Variants in ZFYVE26 observed in about 807,000 individuals in gnomAD.
ZFYVE26 encodes zinc finger FYVE-type containing 26.
ZFYVE26 carries 181 observed loss-of-function variants against 276.5 expected under a neutral mutation model. That is an observed-to-expected ratio of 0.65 (90% CI 0.58 to 0.74). The LOEUF is 0.74. Ranked by LOEUF, ZFYVE26 falls within the 30% of genes least tolerant of loss-of-function variation. ZFYVE26 has a pLI of 0.00. For synonymous variants in ZFYVE26, 1,129 were observed against 1,203.1 expected (o/e 0.94, Z 1.27); for missense variants, 2,821 against 3,097.9 (o/e 0.91, Z 2.12).
rs200245440 is a variant in ZFYVE26, at chr14:67,783,449, G to C, written c.3703C>G (p.Leu1235Val). The C allele has an allele frequency of 4.3e-6, 7 of 1,614,160 alleles. No individual in the cohort carries two copies. In the East Asian group the frequency reaches 1.3e-4, roughly 31 times the overall value. ...CTTTGCCGGGATGAGCAAAGAGCAAGGGGCTCACAGCAGCAGCTGACGATG... is the reference window on the plus strand; with the variant it reads ...CTTTGCCGGGATGAGCAAAGAGCAACGGGCTCACAGCAGCAGCTGACGATG... ...QVIVSCCCEP[L>V]ALCSSRQSQQ... is the part of the protein sequence containing the mutation. Residue 1235 changes from leucine (L) to valine (V), a missense_variant, in exon 21 of 42, where the codon CTT becomes GTT. Physicochemically the swap from Leu to Val is conservative, Grantham distance 32. Transcript: ENST00000347230.
At chr14:67,757,113 C>T (rs553865996) in intron 35 of ZFYVE26, among the ~76,000 whole-genome samples, 60 of 152,190 alleles carry the variant, frequency 3.9e-4, no homozygotes, top group Admixed American at 3.9e-3. Flanking sequence ...TTCCCACCAC[C>T]TCCCCTGGAC....
At chr14:67,799,031 C>T (rs1350121936) in intron 10 of ZFYVE26, 1 of 1,167,380 alleles carries the variant, frequency 8.6e-7, no homozygotes, top group East Asian at 2.3e-5. Flanking sequence ...CTATTCCGTT[C>T]CCAGTGACAA....
intron 35 of ZFYVE26, among the ~76,000 whole-genome samples, chr14:67,760,486 G>A (rs1041136386): frequency 2.6e-5 from 4 of 152,164 alleles, no homozygotes; most frequent in Admixed American, 2.6e-4. Context: ...TGAAATTAAA[G>A]TCTGCCTTGA....
At position 67,756,038 on chromosome 14, in the gene ZFYVE26, C is replaced by A; in HGVS notation, c.6696G>T (p.Glu2232Asp). ...CAGCAATCAAGTACTTTCCCCAGCT[C>A]TCCAAGGTTGGATCAATGGATTCTA... ...NLLESIDPTL[E>D]SWGKYLIAAC... Residue 2232 changes from glutamate (E) to aspartate (D), a missense_variant, in exon 36 of 42, where the codon GAG becomes GAT. Transcript: ENST00000347230. 6.2e-7 allele frequency: 1 copy of A among 1,614,240 alleles called. No individual in the cohort carries two copies. Among genetic ancestry groups the A allele is most frequent in the East Asian group, 2.2e-5 (1 of 44,892 alleles).
chr14:67,770,588 C>G (rs945985128), intron 28 of ZFYVE26: 4 of 151,930 alleles, frequency 2.6e-5, no homozygotes, highest in African/African-American at 7.3e-5. Context: ...AATTATATAC[C>G]TTCTCTATAC....
At chr14:67,782,709 A>T in intron 21 of ZFYVE26, 71 bp downstream of exon 21, 1 of 1,596,474 alleles carries the variant, frequency 6.3e-7, no homozygotes, top group Admixed American at 1.7e-5. Context: ...TGAGGATTAA[A>T]TGTGATAATA....
chr14:67,758,792 C>T (rs2038853698), intron 35 of ZFYVE26, among the ~76,000 whole-genome samples: 1 of 152,132 alleles, frequency 6.6e-6, no homozygotes. Context: ...CCTGCCACCA[C>T]ACCCAGCTAA....
chr14:67,784,525 T>A, intron 19 of ZFYVE26, 89 bp from the exon 20 acceptor site: 1 of 1,181,278 alleles, frequency 8.5e-7, no homozygotes, highest in East Asian at 2.3e-5. Flanking sequence ...AAAAGTACAG[T>A]GTCAAGATGA....
intron 14 of ZFYVE26, 94 bp from the exon 15 acceptor site, chr14:67,790,867 C>T: frequency 1.7e-6 from 2 of 1,161,684 alleles, no homozygotes; most frequent in South Asian, 2.5e-5. Flanking sequence ...TAGACTGTGG[C>T]CCTAAGATGT....
At position 67,797,210 on chromosome 14, in the gene ZFYVE26, T is replaced by C. The variant is rs1782292053; in HGVS notation, c.2332+462A>G. On this transcript the variant is annotated intron_variant, in intron 12 of 41. Transcript: ENST00000347230. ...CCTAGTAATTCTGCTGCTAGGAGCT[T>C]ATCCTGTATTTACACAAGTATGCAC... 2.4e-5 allele frequency: 5 copies of C among 206,924 alleles called. No homozygotes were observed. In the South Asian group the frequency reaches 4.0e-4, roughly 17 times the overall value. The allele number at this position is 206,924 out of a possible 1,614,324, so 12.8% of individuals were successfully genotyped here. A position where few individuals can be genotyped will look rare whatever the true frequency, so the allele number is the denominator to read the frequency against.
chr14:67,809,458 T>G (rs2040253903), intron 3 of ZFYVE26, among the ~76,000 whole-genome samples, 169 bp from the exon 4 acceptor site: 1 of 149,236 alleles, frequency 6.7e-6, no homozygotes, highest in Non-Finnish European at 1.5e-5. Flanking sequence ...AGTCTTGCTC[T>G]GTTCCCCAGG....
Position 67,755,294 on chromosome 14 carries a change from T to C in ZFYVE26, c.6787-44A>G, listed in dbSNP as rs775756497. 5.6e-6 allele frequency: 9 copies of C among 1,606,952 alleles called. No homozygotes were observed. The Admixed American group carries it at 1.3e-4, about 24-fold the overall frequency. On this transcript the variant is annotated intron_variant, in intron 36 of 41. Transcript: ENST00000347230. ...TGTTCAGGTCAAAGTAGATCAGGGG[T>C]TTGGAGGGTGGGGTGTGATGAGAAT...
downstream of ZFYVE26, among the ~76,000 whole-genome samples, chr14:67,743,902 T>C (rs2038449724): frequency 6.6e-6 from 1 of 152,072 alleles, no homozygotes; most frequent in Admixed American, 6.5e-5. Flanking sequence ...GGTTTGACAA[T>C]GGTAGACTTG....
At chr14:67,743,498 TAATAAAATAAAATAA>T (rs142422698), downstream of ZFYVE26, among the ~76,000 whole-genome samples, 50,058 of 138,984 alleles carry the variant, frequency 0.36, 9,786 homozygotes, top group Non-Finnish European at 0.41. Flanking sequence ...CTCAGTATAA[TAATAAAATAAAATAA>T]AATAAAATAA....
At chr14:67,773,016 G>C (rs369779275) in intron 27 of ZFYVE26, among the ~76,000 whole-genome samples, 2 of 152,064 alleles carry the variant, frequency 1.3e-5, no homozygotes, top group South Asian at 4.1e-4. Context: ...TGCCATGTAT[G>C]GACATTATTT....
chr14:67,767,386 G>C (rs2039086604), intron 31 of ZFYVE26, among the ~76,000 whole-genome samples: 1 of 152,006 alleles, frequency 6.6e-6, no homozygotes, highest in Non-Finnish European at 1.5e-5. Flanking sequence ...TTGCTCAGAT[G>C]TTTTAATTTT....
chr14:67,798,258 T>G lies in ZFYVE26; in HGVS notation c.2004A>C (p.Leu668Phe). 1 of 1,614,216 alleles carries G rather than the reference T, an allele frequency of 6.2e-7. No homozygotes were observed. The highest frequency in any genetic ancestry group is 8.5e-7 in the Non-Finnish European group (1 of 1,180,030). ...PGPHRHSFLD[L>F]KHFTSGISGF... ...CACTGATACCACTAGTAAAGTGTTT[T>G]AAGTCCAAAAAGCTGTGCCTATGAG... Residue 668 changes from leucine to phenylalanine, a missense_variant, in exon 11 of 42, where the codon TTA becomes TTC. Physicochemically the swap from Leu to Phe is conservative, Grantham distance 22. Coordinates refer to ENST00000347230, the MANE Select transcript of ZFYVE26 (RefSeq NM_015346.4).
intron 5 of ZFYVE26, 129 bp downstream of exon 5, chr14:67,807,269 A>G: frequency 8.3e-7 from 1 of 1,207,394 alleles, no homozygotes; most frequent in Non-Finnish European, 1.2e-6. Context: ...AGAGCATCGC[A>G]CCCATTTTTG....
intron 22 of ZFYVE26, 46 bp from the exon 23 acceptor site, chr14:67,780,391 C>T: frequency 6.5e-7 from 1 of 1,531,866 alleles, no homozygotes; most frequent in Non-Finnish European, 8.9e-7. Context: ...GCAGCTTCTC[C>T]CTCCATGAAC....
Sources: gnomAD v4.1 joint callset for allele counts (sites outside exome capture counted in the v4.1 genomes callset) on GRCh38, gnomAD v4.1.1 for gene constraint, MANE v1.5 for transcripts, NCBI Gene and HGNC (gene_info 2026-07-23, HGNC 2026-07-21) for gene names.